ARK2C: variants seen among roughly 807,000 people sequenced by gnomAD.
ARK2C encodes the protein E3 ubiquitin-protein ligase ARK2C.
At chr18:46,395,457 C>A in the ARK2C span, among the ~76,000 whole-genome samples, 14 of 152,302 alleles carry the variant, frequency 9.2e-5, no homozygotes, top group East Asian at 1.9e-3. Context: ...TTGTTGAGAA[C>A]TACTTCTGTG....
At chr18:46,383,562 T>TTG in the ARK2C span, among the ~76,000 whole-genome samples, 168 of 146,328 alleles carry the variant, frequency 1.1e-3, 3 homozygotes, top group African/African-American at 4.2e-3. Flanking sequence ...TTTTTTTTTT[T>TTG]TTTTTTTTTT....
the ARK2C span, chr18:46,462,083 C>G: frequency 2.6e-5 from 4 of 152,340 alleles, no homozygotes; most frequent in African/African-American, 4.8e-5. Context: ...GTGCGTCTCC[C>G]TCTGCCTTTG....
chr18:46,453,112 T>G, the ARK2C span, among the ~76,000 whole-genome samples: 11 of 152,214 alleles, frequency 7.2e-5, no homozygotes, highest in Admixed American at 7.2e-4. Context: ...TGAATCAGTA[T>G]AGGCAGCTCC....
chr18:46,352,990 C>A, the ARK2C span, among the ~76,000 whole-genome samples: 2 of 152,182 alleles, frequency 1.3e-5, no homozygotes, highest in Admixed American at 6.5e-5. Flanking sequence ...GACTAGCATG[C>A]CCTCCATGGC....
chr18:46,438,427 C>T, the ARK2C span, among the ~76,000 whole-genome samples: 240 of 152,344 alleles, frequency 1.6e-3, 1 homozygote, highest in African/African-American at 5.3e-3. Flanking sequence ...GGACAAGGTG[C>T]CTCTTGCTTT....
chr18:46,419,480 C>A, the ARK2C span, among the ~76,000 whole-genome samples: 2 of 152,146 alleles, frequency 1.3e-5, no homozygotes, highest in Non-Finnish European at 2.9e-5. Context: ...GAAGTGGGTA[C>A]CCAAGTCACT....
the ARK2C span, among the ~76,000 whole-genome samples, chr18:46,368,943 T>C: frequency 1.3e-5 from 2 of 152,280 alleles, no homozygotes; most frequent in Non-Finnish European, 2.9e-5. Context: ...GCTTAGTGAA[T>C]GTTTACTGTC....
chr18:46,347,853 T>G, the ARK2C span, among the ~76,000 whole-genome samples: 1 of 152,106 alleles, frequency 6.6e-6, no homozygotes. Context: ...ATAGTGAGGC[T>G]CAGATTTGAT....
the ARK2C span, among the ~76,000 whole-genome samples, chr18:46,363,126 A>G: frequency 6.6e-6 from 1 of 152,224 alleles, no homozygotes; most frequent in Admixed American, 6.5e-5. Flanking sequence ...TAAGTGCTCA[A>G]TAAGTACTTG....
the ARK2C span, among the ~76,000 whole-genome samples, chr18:46,410,819 T>C: frequency 6.6e-6 from 1 of 152,334 alleles, no homozygotes; most frequent in African/African-American, 2.4e-5. Context: ...TCTTCAATTG[T>C]CCAGGCTCAT....
the ARK2C span, among the ~76,000 whole-genome samples, chr18:46,360,094 C>A: frequency 3.3e-5 from 5 of 152,274 alleles, no homozygotes; most frequent in Admixed American, 2.0e-4. Context: ...GTCCAGAATA[C>A]CCTGAGACGC....
chr18:46,352,036 C>T, the ARK2C span, among the ~76,000 whole-genome samples: 3,151 of 152,276 alleles, frequency 0.021, 117 homozygotes, highest in African/African-American at 0.072. Flanking sequence ...GCCCTGGTGG[C>T]CTGGCAGACC....
chr18:46,334,838 T>A, the ARK2C span: 1 of 192,014 alleles, frequency 5.2e-6, no homozygotes, highest in Admixed American at 6.1e-5. This position sits in a 1 kb window ranked among gnomAD's most constrained non-coding sequence, Gnocchi z 4.4. Flanking sequence ...TTAGTACCGA[T>A]GGCTGGCTAG....
At chr18:46,385,048 G>A in the ARK2C span, among the ~76,000 whole-genome samples, 14 of 152,202 alleles carry the variant, frequency 9.2e-5, no homozygotes, top group East Asian at 2.7e-3. Flanking sequence ...GGTGTGCAGG[G>A]CTCCCTTTCA....
At chr18:46,461,959 T>C in the ARK2C span, 1 of 152,234 alleles carries the variant, frequency 6.6e-6, no homozygotes. Context: ...GGGTTTGGGA[T>C]TGGCACCCCT....
At chr18:46,399,156 G>C in the ARK2C span, among the ~76,000 whole-genome samples, 1 of 152,194 alleles carries the variant, frequency 6.6e-6, no homozygotes, top group Non-Finnish European at 1.5e-5. Context: ...GCCAAGCAGA[G>C]GTAGCTGTGC....
chr18:46,398,161 G>T, the ARK2C span, among the ~76,000 whole-genome samples: 2 of 149,960 alleles, frequency 1.3e-5, no homozygotes, highest in Non-Finnish European at 3.0e-5. Flanking sequence ...GCAGAGGTGT[G>T]AGGGTGTGTG....
the ARK2C span, among the ~76,000 whole-genome samples, chr18:46,398,610 G>T: frequency 1.3e-5 from 2 of 152,060 alleles, no homozygotes; most frequent in East Asian, 3.9e-4. Flanking sequence ...GAAGAGAAGG[G>T]CTGGAGTTGG....
At chr18:46,407,092 A>T in the ARK2C span, among the ~76,000 whole-genome samples, 2 of 152,174 alleles carry the variant, frequency 1.3e-5, no homozygotes, top group African/African-American at 4.8e-5. Context: ...TGAGTACTAT[A>T]AATTGCATCC....
Sources: gnomAD v4.1 joint callset for allele counts (sites outside exome capture counted in the v4.1 genomes callset) on GRCh38, gnomAD v4.1.1 for gene constraint, Gnocchi (gnomAD v3.1) non-coding constraint, MANE v1.5 for transcripts, NCBI Gene and HGNC (gene_info 2026-07-23, HGNC 2026-07-21) for gene names.